Variants in KIF22 observed in about 807,000 individuals in gnomAD.
KIF22 encodes kinesin-like protein KIF22.
KIF22 carries 62 observed loss-of-function variants against 73.0 expected under a neutral mutation model. That is an observed-to-expected ratio of 0.85 (90% CI 0.69 to 1.05). The LOEUF (loss-of-function observed/expected upper bound fraction) is 1.05. KIF22 is among the 50% of genes least tolerant of loss of function. The pLI, the probability that KIF22 is intolerant of heterozygous loss-of-function variation, is 0.00. For missense variants in KIF22, 854 were observed against 870.1 expected (o/e 0.98, Z 0.23); for synonymous variants, 411 against 340.1 (o/e 1.21, Z -2.29).
rs773116139 is a variant in KIF22 at position 29,803,653 on chromosome 16, C to T, written c.1609+45C>T. The stretch of plus-strand genomic sequence containing the variant: ...CTGGGGGGCCAAGGCAGCTGAGATC[C>T]TATAAGGGAGGAAGTGTTAGGAGCA... On this transcript the variant is annotated intron_variant, in intron 10 of 13. Transcript: ENST00000160827. 2.0e-6 allele frequency: 3 copies of T among 1,482,890 alleles called. 1 individual carries two copies. The allele number at this position is 1,482,890 out of a possible 1,614,324, so 91.9% of individuals were successfully genotyped here.
At position 29,804,056 on chromosome 16, in the gene KIF22, G is replaced by C. The variant is rs1405363216; in HGVS notation, c.1668G>C (p.Arg556=). 1.2e-6 allele frequency: 2 copies of C among 1,613,538 alleles called. No individual in the cohort carries two copies. The highest frequency in any genetic ancestry group is 1.7e-6 in the Non-Finnish European group (2 of 1,179,576). The part of the protein sequence containing the change: ...AEIHILKNKG[R]KRKLESLDAL... ...TCCACATCCTGAAGAATAAAGGCCG[G>C]AAGAGAAAGGTGAAAGTAGCTGGGG... Residue 556 remains arginine, a synonymous_variant, in exon 11 of 14, where the codon CGG becomes CGC. Coordinates refer to ENST00000160827, the MANE Select transcript of KIF22 (RefSeq NM_007317.3).
chr16:29,803,742 C>T (rs930797678), intron 10 of KIF22, 134 bp downstream of exon 10: 1 of 812,812 alleles, frequency 1.2e-6, no homozygotes, highest in Non-Finnish European at 1.9e-6. Flanking sequence ...TGAGGAGGCT[C>T]TGAGGCAGTG....
At chr16:29,800,755 G>C (rs955889111) in intron 8 of KIF22, among the ~76,000 whole-genome samples, 5 of 152,200 alleles carry the variant, frequency 3.3e-5, no homozygotes, top group African/African-American at 1.2e-4. Context: ...GACAGAGCAA[G>C]ACTGCATCTC....
intron 1 of KIF22, among the ~76,000 whole-genome samples, chr16:29,796,294 C>G (rs1033928895): frequency 2.1e-5 from 3 of 142,044 alleles, no homozygotes; most frequent in African/African-American, 7.8e-5. Flanking sequence ...AACACACACA[C>G]ACACACACAC....
chr16:29,793,211 G>A (rs986263854), intron 1 of KIF22, among the ~76,000 whole-genome samples: 1 of 152,204 alleles, frequency 6.6e-6, no homozygotes, highest in Admixed American at 6.5e-5. Context: ...GGGAGACCAA[G>A]GTGGGTGGAT....
In KIF22 at chr16:29,804,843, G is replaced by A. The variant is rs767101577; in HGVS notation, c.1707G>A (p.Glu569=). 1.9e-6 allele frequency: 3 copies of A among 1,612,760 alleles called. No homozygotes were observed. Among genetic ancestry groups the A allele is most frequent in the East Asian group, 2.2e-5 (1 of 44,864 alleles). ...KLESLDALEP[E]EKAEDCWELQ... ...AGTCCCTGGATGCCCTAGAGCCTGA[G>A]GAGAAGGCTGAGGACTGCTGGGAGC... The change falls in exon 12 of 14, where the codon GAG becomes GAA. Residue 569 remains glutamate, a synonymous_variant. Coordinates refer to ENST00000160827, the MANE Select transcript of KIF22 (RefSeq NM_007317.3).
intron 1 of KIF22, among the ~76,000 whole-genome samples, chr16:29,795,052 C>T (rs1180585825): frequency 3.9e-5 from 6 of 152,242 alleles, no homozygotes; most frequent in Admixed American, 3.9e-4. Context: ...GATCACTGCG[C>T]TTCCTTAAGT....
chr16:29,794,296 T>C lies in KIF22; in HGVS notation c.71-2597T>C, dbSNP rs549608270. On this transcript the variant is annotated intron_variant, in intron 1 of 13. Transcript: ENST00000160827. ...TCATCTGGAAAATGGGAGACGGACA[T>C]TAAAAAGCACTTACTGGCCTTTCAC... 1.2e-3 allele frequency among the ~76,000 whole-genome samples: 184 copies of C among 152,314 alleles called. 2 individuals carry two copies. The highest frequency in any genetic ancestry group is 4.2e-3 in the African/African-American group (176 of 41,564).
chr16:29,802,109 A>AC (rs1323695436), intron 8 of KIF22, among the ~76,000 whole-genome samples: 7 of 152,082 alleles, frequency 4.6e-5, no homozygotes, highest in Non-Finnish European at 8.8e-5. Flanking sequence ...TCTACAAAAA[A>AC]TAAAAAAATT....
chr16:29,805,307 C>T lies in KIF22; in HGVS notation c.1995C>T (p.Ser665=), dbSNP rs1485982762. The part of the protein sequence containing the change: ...GLAAGQRCGA[S] The stretch of plus-strand genomic sequence containing the variant: ...CCGCCGGCCAGCGCTGTGGCGCCTC[C>T]TGACCGTCGTCTCCTCACTCCGCCT... The change falls in exon 14 of 14, where the codon TCC becomes TCT. Residue 665 remains serine, a synonymous_variant. Coordinates refer to ENST00000160827, the MANE Select transcript of KIF22 (RefSeq NM_007317.3). The T allele has an allele frequency of 6.2e-7, 1 of 1,613,188 alleles. No homozygotes were observed. The highest frequency in any genetic ancestry group is 1.3e-5 in the African/African-American group (1 of 74,958).
chr16:29,801,821 C>T (rs1410689237), intron 8 of KIF22, among the ~76,000 whole-genome samples: 2 of 152,096 alleles, frequency 1.3e-5, no homozygotes, highest in South Asian at 2.1e-4. Flanking sequence ...CAGGAGTGTC[C>T]CTGTCCTCCA....
At chr16:29,795,958 T>C (rs559277028) in intron 1 of KIF22, among the ~76,000 whole-genome samples, 59 of 151,984 alleles carry the variant, frequency 3.9e-4, no homozygotes, top group African/African-American at 1.4e-3. Context: ...TCAATACATA[T>C]TAGAAACCCC....
At chr16:29,800,564 AG>A in intron 8 of KIF22, among the ~76,000 whole-genome samples, 1 of 152,282 alleles carries the variant, frequency 6.6e-6, no homozygotes, top group Admixed American at 6.5e-5. Flanking sequence ...CAGGAGTTCA[AG>A]ACCAGCCTGG....
In KIF22 at chr16:29,805,023, C is replaced by A. The variant is rs754087707; in HGVS notation, c.1887C>A (p.Ser629Arg). Residue 629 changes from serine (S) to arginine (R), a missense_variant, in exon 12 of 14, where the codon AGC becomes AGA. By Grantham distance (110) the Ser-to-Arg change is moderately radical. This residue lies in a region of KIF22 where 423 missense variants were observed against 365.4 expected (regional missense o/e 1.16). Transcript: ENST00000160827. ...VGWRELHGPF[S>R]QVEDLERVEG... ...GGCGGGAGCTCCACGGCCCCTTCAG[C>A]CAGGTAGCAGCCCACTGGACTGGGG... 1.9e-6 allele frequency: 3 copies of A among 1,610,652 alleles called. No homozygotes were observed. Among genetic ancestry groups the A allele is most frequent in the Non-Finnish European group, 2.5e-6 (3 of 1,178,514 alleles).
Position 29,798,784 on chromosome 16 carries a change from G to C in KIF22, c.549+37G>C. On this transcript the variant is annotated intron_variant, in intron 4 of 13. Coordinates refer to ENST00000160827, the MANE Select transcript of KIF22 (RefSeq NM_007317.3). The surrounding 1 kb of genome is among the most constrained non-coding windows in gnomAD (Gnocchi z 4.1). Reference sequence around the variant, plus strand: ...TGCTGGTTGGGAGAGGAGCAACAAAGGGTCAAAGTAAGACCTGGTTCTAGA... The same window carrying C: ...TGCTGGTTGGGAGAGGAGCAACAAACGGTCAAAGTAAGACCTGGTTCTAGA... The C allele has an allele frequency of 6.2e-7, 1 of 1,604,446 alleles. No individual in the cohort carries two copies. Among genetic ancestry groups the C allele is most frequent in the East Asian group, 2.2e-5 (1 of 44,798 alleles).
At chr16:29,794,901 C>T (rs1439746019) in intron 1 of KIF22, among the ~76,000 whole-genome samples, 1 of 152,110 alleles carries the variant, frequency 6.6e-6, no homozygotes, top group Middle Eastern at 3.2e-3. Flanking sequence ...CCAAGGCCCA[C>T]CCCCAACCTT....
intron 10 of KIF22, 115 bp from the exon 11 acceptor site, chr16:29,803,883 G>C: frequency 1.2e-6 from 1 of 831,714 alleles, no homozygotes; most frequent in Non-Finnish European, 2.1e-6. Flanking sequence ...AAACACAACA[G>C]GTTAACTCTG....
Position 29,798,287 on chromosome 16 carries a change from A to AGG in KIF22, c.267-87_267-86insGG. On this transcript the variant is annotated intron_variant, in intron 2 of 13. Transcript: ENST00000160827. This position sits in a 1 kb window ranked among gnomAD's most constrained non-coding sequence, Gnocchi z 4.1. Reference sequence around the variant, plus strand: ...GGTCCAGATGAGAGTAGAATCCCTTACCCACCCCCACCCCACTCCACCCCT... The same window carrying AGG: ...GGTCCAGATGAGAGTAGAATCCCTTAGGCCCACCCCCACCCCACTCCACCCCT... 5.1e-6 allele frequency: 3 copies of AGG among 590,644 alleles called. No individual in the cohort carries two copies. Among genetic ancestry groups the AGG allele is most frequent in the Non-Finnish European group, 5.8e-6 (2 of 343,578 alleles). The allele number at this position is 590,644 out of a possible 1,614,324, so 36.6% of individuals were successfully genotyped here. A position where few individuals can be genotyped will look rare whatever the true frequency, so the allele number is the denominator to read the frequency against.
In KIF22 at chr16:29,798,290, C is replaced by G; in HGVS notation, c.267-84C>G. On this transcript the variant is annotated intron_variant, in intron 2 of 13. Transcript: ENST00000160827. This position sits in a 1 kb window ranked among gnomAD's most constrained non-coding sequence, Gnocchi z 4.1. ...CCAGATGAGAGTAGAATCCCTTACC[C>G]ACCCCCACCCCACTCCACCCCTTAC... 1.6e-6 allele frequency: 2 copies of G among 1,285,182 alleles called. No individual in the cohort carries two copies. The highest frequency in any genetic ancestry group is 1.3e-5 in the South Asian group (1 of 79,374). The allele number at this position is 1,285,182 out of a possible 1,614,324, so 79.6% of individuals were successfully genotyped here.
Sources: allele counts gnomAD v4.1 joint callset (sites outside exome capture counted in the v4.1 genomes callset), GRCh38; gene constraint gnomAD v4.1.1; regional missense constraint gnomAD v4.1.1; non-coding constraint Gnocchi (gnomAD v3.1); transcripts MANE v1.5; gene names NCBI Gene and HGNC (gene_info 2026-07-23, HGNC 2026-07-21).